The following SSH3 variants were observed in gnomAD, a reference collection of about 807,000 sequenced individuals.
The protein encoded by SSH3 is slingshot protein phosphatase 3.
In SSH3, 67 loss-of-function variants were observed where a neutral mutation model predicts 75.0. The ratio of observed to expected loss-of-function variants is 0.89; its 90% CI spans 0.73 to 1.10. The LOEUF is 1.10. SSH3 is among the 50% of genes least tolerant of loss of function. The probability of loss-of-function intolerance (pLI) is 0.00; values close to 1 mark genes in which losing one functional copy is unlikely to be tolerated. For missense variants in SSH3, 824 were observed against 872.7 expected (o/e 0.94, Z 0.70); for synonymous variants, 318 against 349.2 (o/e 0.91, Z 1.00).
chr11:67,306,246 G>A (rs1228253265), intron 3 of SSH3, among the ~76,000 whole-genome samples: 3 of 150,750 alleles, frequency 2.0e-5, no homozygotes, highest in Admixed American at 6.6e-5. Flanking sequence ...CTGAGATTGC[G>A]CCACTGCACT....
At position 67,311,679 on chromosome 11, in the gene SSH3, G is replaced by A. The variant is rs1565091322; in HGVS notation, c.1772G>A (p.Arg591Lys). The A allele has an allele frequency of 1.2e-6, 2 of 1,614,104 alleles. No individual in the cohort carries two copies. The highest frequency in any genetic ancestry group is 2.7e-5 in the African/African-American group (2 of 75,058). Residue 591 changes from arginine (R) to lysine (K), a missense_variant, in exon 14 of 14, where the codon AGG becomes AAG. Physicochemically the swap from Arg to Lys is conservative, Grantham distance 26 (BLOSUM62 2). Coordinates refer to ENST00000308127, the MANE Select transcript of SSH3 (RefSeq NM_017857.4). The part of the protein sequence containing the change: ...ARTKGGQQVD[R>K]GPQPALKSRQ... ...ACCAAGGGAGGCCAGCAGGTGGACAGGGGGCCTCAGCCTGCCCTGAAGTCC... is the reference window on the plus strand; with the variant it reads ...ACCAAGGGAGGCCAGCAGGTGGACAAGGGGCCTCAGCCTGCCCTGAAGTCC...
chr11:67,306,803 G>A, intron 3 of SSH3, 35 bp from the exon 4 acceptor site: 1 of 1,584,650 alleles, frequency 6.3e-7, no homozygotes, highest in East Asian at 2.3e-5. Context: ...GGTCCTTGGG[G>A]CCACTGTGAC....
intron 13 of SSH3, 130 bp from the exon 14 acceptor site, chr11:67,311,461 A>G: frequency 8.1e-7 from 1 of 1,241,186 alleles, no homozygotes; most frequent in Middle Eastern, 2.7e-4. Context: ...GCGTGCCACA[A>G]ACATTCCGGC....
intron 13 of SSH3, among the ~76,000 whole-genome samples, chr11:67,311,242 GTTTC>G (rs1861403099): frequency 6.6e-6 from 1 of 152,208 alleles, no homozygotes; most frequent in Non-Finnish European, 1.5e-5. Flanking sequence ...GCCGGCACGG[GTTTC>G]ACCTGCCGGC....
Position 67,310,065 on chromosome 11 carries a change from G to T in SSH3, c.1410-1G>T, listed in dbSNP as rs374454143. 7 of 1,612,230 alleles carry T rather than the reference G, an allele frequency of 4.3e-6. No individual in the cohort carries two copies. The highest frequency in any genetic ancestry group is 1.3e-5 in the African/African-American group (1 of 75,046). ...GCTGACTCAGGGCCACCTCCTCACA[G>T]CCGCCAGAGCCATGTCTGGGAGCAG... On this transcript the variant is annotated splice_acceptor_variant, in intron 12 of 13. Transcript: ENST00000308127. LOFTEE classifies it high-confidence loss of function.
At position 67,310,145 on chromosome 11, in the gene SSH3, T is replaced by C. The variant is rs750994111; in HGVS notation, c.1489T>C (p.Phe497Leu). ...CCCAGCCCCTGAAGTCTCTACACCA[T>C]TCCCACCTCTTCCGCCAGAACCTGA... Reference protein sequence around the residue: ...EHPAPEVSTPFPPLPPEPEGG... With the variant: ...EHPAPEVSTPLPPLPPEPEGG... The change falls in exon 13 of 14, where the codon TTC becomes CTC. Residue 497 changes from phenylalanine to leucine, a missense_variant. Physicochemically the swap from Phe to Leu is conservative, Grantham distance 22. Transcript: ENST00000308127. 3 of 1,614,044 alleles carry C rather than the reference T, an allele frequency of 1.9e-6. No individual in the cohort carries two copies. The South Asian group carries it at 3.3e-5, about 18-fold the overall frequency.
chr11:67,310,483 G>T, intron 13 of SSH3, 144 bp downstream of exon 13: 1 of 1,117,158 alleles, frequency 9.0e-7, no homozygotes, highest in Non-Finnish European at 1.2e-6. Flanking sequence ...AGGGTGTCCT[G>T]GGAGGACCCA....
At position 67,311,701 on chromosome 11, in the gene SSH3, G is replaced by T. The variant is rs139694487; in HGVS notation, c.1794G>T (p.Lys598Asn). The T allele has an allele frequency of 3.8e-5, 61 of 1,613,984 alleles. No homozygotes were observed. In the African/African-American group the frequency reaches 6.3e-4, roughly 17 times the overall value. ...ACAGGGGGCCTCAGCCTGCCCTGAA[G>T]TCCCGCCAGTCAGTGGTTACCCTCC... ...QVDRGPQPAL[K>N]SRQSVVTLQG... The change falls in exon 14 of 14, where the codon AAG becomes AAT. Residue 598 changes from lysine to asparagine, a missense_variant. Transcript: ENST00000308127.
At position 67,307,130 on chromosome 11, in the gene SSH3, G is replaced by A; in HGVS notation, c.536+17G>A. 6.2e-7 allele frequency: 1 copy of A among 1,612,702 alleles called. No individual in the cohort carries two copies. Among genetic ancestry groups the A allele is most frequent in the Non-Finnish European group, 8.5e-7 (1 of 1,179,886 alleles). On this transcript the variant is annotated intron_variant, in intron 5 of 13. Transcript: ENST00000308127. The surrounding 1 kb of genome is among the most constrained non-coding windows in gnomAD (Gnocchi z 4.2). ...TGGAGACGGGTAAGCAATGGCAACT[G>A]GAGGTGGGGGCTGGAGGGTGGAATA...
At position 67,303,614 on chromosome 11, in the gene SSH3, C is replaced by T. The variant is rs748159453; in HGVS notation, c.-12C>T. 2.0e-6 allele frequency: 3 copies of T among 1,518,056 alleles called. No individual in the cohort carries two copies. Among genetic ancestry groups the T allele is most frequent in the Admixed American group, 4.0e-5 (2 of 50,042 alleles). The allele number at this position is 1,518,056 out of a possible 1,614,324, so 94.0% of individuals were successfully genotyped here. ...TGCCCGGTGCCAGCCCAGGTGCTCG[C>T]GGCCTGGCTCCATGGCCCTGGTCAC... On this transcript the variant is annotated 5_prime_UTR_variant, in exon 1 of 14. Transcript: ENST00000308127.
rs1294069662 is a variant in SSH3 at position 67,303,671 on chromosome 11, T to A, written c.46T>A (p.Ser16Thr). The A allele has an allele frequency of 4.6e-6, 7 of 1,511,292 alleles. No individual in the cohort carries two copies. The highest frequency in any genetic ancestry group is 6.2e-6 in the Non-Finnish European group (7 of 1,136,398). The allele number at this position is 1,511,292 out of a possible 1,614,324, so 93.6% of individuals were successfully genotyped here. A position where few individuals can be genotyped will look rare whatever the true frequency, so the allele number is the denominator to read the frequency against. The change falls in exon 1 of 14, where the codon TCC becomes ACC. Residue 16 changes from serine (S) to threonine (T), a missense_variant. Ser to Thr is a moderately conservative substitution (Grantham distance 58, BLOSUM62 1). Transcript: ENST00000308127. Reference protein sequence around the residue: ...VSRSPPGSGASTPVGPWDQAV... With the variant: ...VSRSPPGSGATTPVGPWDQAV... ...CCGTTCGCCCCCGGGCAGCGGCGCC[T>A]CCACGCCCGTGGGGCCCTGGGTGAG... is the stretch of plus-strand genomic sequence containing the variant.
chr11:67,304,481 G>C (rs1043873446), intron 2 of SSH3, among the ~76,000 whole-genome samples: 2 of 152,206 alleles, frequency 1.3e-5, no homozygotes, highest in African/African-American at 2.4e-5. Context: ...AGCAGCACTT[G>C]AGTTAAACAG....
intron 1 of SSH3, 82 bp downstream of exon 1, chr11:67,303,773 C>A: frequency 1.5e-6 from 2 of 1,367,022 alleles, no homozygotes; most frequent in Non-Finnish European, 9.5e-7. Context: ...GCGGGCTCCT[C>A]TCGAACGGGG....
In SSH3 at chr11:67,307,232, C is replaced by A; in HGVS notation, c.536+119C>A. ...TTAGGCTGGGACTCTGGGGCCTGCT[C>A]CCAGCTCCACGTCAGATTCACCGTG... On this transcript the variant is annotated intron_variant, in intron 5 of 13. Coordinates refer to ENST00000308127, the MANE Select transcript of SSH3 (RefSeq NM_017857.4). This position sits in a 1 kb window ranked among gnomAD's most constrained non-coding sequence, Gnocchi z 4.2. The A allele has an allele frequency of 1.3e-6, 2 of 1,553,874 alleles. No homozygotes were observed. Among genetic ancestry groups the A allele is most frequent in the African/African-American group, 1.4e-5 (1 of 73,866 alleles).
intron 1 of SSH3, 46 bp downstream of exon 1, chr11:67,303,737 G>A (rs764607307): frequency 2.8e-6 from 4 of 1,429,012 alleles, no homozygotes; most frequent in African/African-American, 1.5e-5. Flanking sequence ...TTGCTGCCCC[G>A]GCTTGGGAGC....
chr11:67,306,288 C>T (rs1055170090), intron 3 of SSH3, among the ~76,000 whole-genome samples: 3 of 108,552 alleles, frequency 2.8e-5, no homozygotes, highest in Middle Eastern at 6.7e-3. Flanking sequence ...GACTCCATTG[C>T]AAAAAAAAAA....
Position 67,307,883 on chromosome 11 carries a change from G to A in SSH3, c.829G>A (p.Ala277Thr), listed in dbSNP as rs61737055. The change falls in exon 8 of 14, where the codon GCT (alanine) becomes ACT (threonine). Residue 277 changes from alanine to threonine, a missense_variant. Transcript: ENST00000308127. This position sits in a 1 kb window ranked among gnomAD's most constrained non-coding sequence, Gnocchi z 4.2. ...EQEQMEQAIRAELWKVLDVSD... is the reference protein window; with the variant it reads ...EQEQMEQAIRTELWKVLDVSD... ...GGAGCAGATGGAGCAGGCGATCCGTGCTGAGCTGTGGAAAGTGTTGGATGT... is the reference window on the plus strand; with the variant it reads ...GGAGCAGATGGAGCAGGCGATCCGTACTGAGCTGTGGAAAGTGTTGGATGT... 1,598 of 1,614,242 alleles carry A rather than the reference G, an allele frequency of 9.9e-4. 9 individuals are homozygous for A. In the African/African-American group the frequency reaches 0.013, roughly 13 times the overall value.
intron 2 of SSH3, among the ~76,000 whole-genome samples, chr11:67,304,409 C>T (rs1861169683): frequency 6.6e-6 from 1 of 152,212 alleles, no homozygotes; most frequent in African/African-American, 2.4e-5. Context: ...GTGGTGGCCA[C>T]GGGCCGAACG....
Position 67,309,777 on chromosome 11 carries a change from C to T in SSH3, c.1218C>T (p.Gly406=), listed in dbSNP as rs1269578173. 1 of 1,612,982 alleles carries T rather than the reference C, an allele frequency of 6.2e-7. No individual in the cohort carries two copies. The highest frequency in any genetic ancestry group is 2.2e-5 in the East Asian group (1 of 44,896). ...HRFIEAARAQ[G]THVLVHCKMG... ...TGGCCTGCTTCCACAGAGCACAGGG[C>T]ACCCACGTGCTGGTCCACTGCAAGA... Residue 406 remains glycine, a synonymous_variant, in exon 12 of 14, where the codon GGC becomes GGT. Coordinates refer to ENST00000308127, the MANE Select transcript of SSH3 (RefSeq NM_017857.4).
Sources: gnomAD v4.1 joint callset for allele counts (sites outside exome capture counted in the v4.1 genomes callset) on GRCh38, gnomAD v4.1.1 for gene constraint, Gnocchi (gnomAD v3.1) non-coding constraint, MANE v1.5 for transcripts, NCBI Gene and HGNC (gene_info 2026-07-23, HGNC 2026-07-21) for gene names.